ARMH3: variants seen among roughly 807,000 people sequenced by gnomAD.
ARMH3 encodes the protein armadillo-like helical domain-containing protein 3.
Under a neutral mutation model 99.1 loss-of-function variants are expected in ARMH3, and 60 were observed. That is an observed-to-expected ratio of 0.61 (90% CI 0.49 to 0.75). The LOEUF (loss-of-function observed/expected upper bound fraction) is 0.75. ARMH3 is among the 30% of genes least tolerant of loss of function. The probability of loss-of-function intolerance (pLI) is 0.00; values close to 1 mark genes in which losing one functional copy is unlikely to be tolerated. For synonymous variants in ARMH3, 285 were observed against 292.8 expected (o/e 0.97, Z 0.27); for missense variants, 679 against 843.1 (o/e 0.81, Z 2.41).
intron 24 of ARMH3, among the ~76,000 whole-genome samples, chr10:101,852,915 C>T (rs969178722): frequency 6.6e-6 from 1 of 151,174 alleles, no homozygotes; most frequent in Non-Finnish European, 1.5e-5. Context: ...GACAGTCTTG[C>T]TCTTGTCACC....
intron 23 of ARMH3, chr10:101,889,714 C>A: frequency 4.0e-6 from 2 of 501,762 alleles, no homozygotes; most frequent in Non-Finnish European, 7.2e-6. Context: ...AATCAAGCAT[C>A]TCTGCTCTGC....
intron 8 of ARMH3, among the ~76,000 whole-genome samples, chr10:102,016,921 A>G (rs1342562511): frequency 6.6e-6 from 1 of 152,236 alleles, no homozygotes; most frequent in Non-Finnish European, 1.5e-5. Flanking sequence ...AATGATTAAA[A>G]TGGAACACAT....
intron 16 of ARMH3, 73 bp downstream of exon 16, chr10:101,995,223 TG>T: frequency 7.9e-7 from 1 of 1,270,626 alleles, no homozygotes; most frequent in Non-Finnish European, 1.1e-6. Context: ...GAGACAGTAA[TG>T]GGGTGAGGGG....
intron 21 of ARMH3, among the ~76,000 whole-genome samples, chr10:101,957,129 T>C (rs1249252968): frequency 6.6e-6 from 1 of 152,238 alleles, no homozygotes; most frequent in African/African-American, 2.4e-5. Context: ...AGCTCTACAA[T>C]GAAAATCAGC....
intron 24 of ARMH3, among the ~76,000 whole-genome samples, chr10:101,874,478 C>T (rs562037795): frequency 6.6e-6 from 1 of 152,216 alleles, no homozygotes; most frequent in African/African-American, 2.4e-5. Context: ...TCCCCACCAC[C>T]CCTGAACAAC....
intron 2 of ARMH3, 119 bp downstream of exon 2, chr10:102,039,894 C>T (rs997215715): frequency 6.8e-6 from 6 of 884,316 alleles, no homozygotes; most frequent in Non-Finnish European, 9.0e-6. Context: ...CCCTCTTTCT[C>T]TCCCCTGTCC....
intron 2 of ARMH3, 106 bp downstream of exon 2, chr10:102,039,907 C>A: frequency 4.8e-6 from 5 of 1,047,366 alleles, no homozygotes; most frequent in Non-Finnish European, 7.3e-6. Flanking sequence ...CCCTGTCCCA[C>A]ATCCCCCAAG....
intron 19 of ARMH3, among the ~76,000 whole-genome samples, chr10:101,976,168 C>CAAAAAA (rs780547260): frequency 1.3e-4 from 3 of 23,190 alleles, no homozygotes; most frequent in Non-Finnish European, 2.3e-4. Flanking sequence ...GACTCTGTCT[C>CAAAAAA]AAAAAAAAAA....
At chr10:101,908,141 T>C (rs1842713044) in intron 23 of ARMH3, among the ~76,000 whole-genome samples, 1 of 152,240 alleles carries the variant, frequency 6.6e-6, no homozygotes, top group South Asian at 2.1e-4. Context: ...TAAATTTTGT[T>C]CCACTAAATA....
chr10:101,971,095 CA>C (rs71472590), intron 20 of ARMH3, among the ~76,000 whole-genome samples: 117 of 33,304 alleles, frequency 3.5e-3, no homozygotes, highest in East Asian at 0.023. Context: ...AGACCGTCTC[CA>C]AAAAAAAAAA....
At position 102,023,737 on chromosome 10, in the gene ARMH3, T is replaced by C. The variant is rs914495668; in HGVS notation, c.520A>G (p.Ile174Val). 1.2e-6 allele frequency: 2 copies of C among 1,614,162 alleles called. No individual in the cohort carries two copies. Among genetic ancestry groups the C allele is most frequent in the Non-Finnish European group, 1.7e-6 (2 of 1,179,978 alleles). ...TACTCGAGAATAGTGTTCTGGCTGATGTTATCTGTCACCTGAATGTAATAA... is the reference window on the plus strand; with the variant it reads ...TACTCGAGAATAGTGTTCTGGCTGACGTTATCTGTCACCTGAATGTAATAA... The part of the protein sequence containing the change: ...LLCLVTVTDN[I>V]SQNTILEYVM... Residue 174 changes from isoleucine (I) to valine (V), a missense_variant, in exon 7 of 26, where the codon ATC (isoleucine) becomes GTC (valine). Physicochemically the swap from Ile to Val is conservative, Grantham distance 29. Transcript: ENST00000370033.
At chr10:101,895,036 C>T (rs2067789640) in intron 23 of ARMH3, among the ~76,000 whole-genome samples, 1 of 152,100 alleles carries the variant, frequency 6.6e-6, no homozygotes. Flanking sequence ...TGAGAAAATA[C>T]AGGAAGGTTT....
chr10:102,001,477 C>T (rs2066359410), intron 15 of ARMH3, among the ~76,000 whole-genome samples: 1 of 152,194 alleles, frequency 6.6e-6, no homozygotes, highest in Non-Finnish European at 1.5e-5. Context: ...TCCTCTCCCA[C>T]TTCCACTCTT....
chr10:101,937,912 G>T (rs943214417), intron 23 of ARMH3, among the ~76,000 whole-genome samples: 3 of 152,192 alleles, frequency 2.0e-5, no homozygotes, highest in African/African-American at 4.8e-5. Context: ...AGGCTGGAGT[G>T]CAGTGGCATG....
At chr10:101,918,296 C>T (rs774133441) in intron 23 of ARMH3, among the ~76,000 whole-genome samples, 3 of 152,158 alleles carry the variant, frequency 2.0e-5, no homozygotes, top group South Asian at 2.1e-4. Context: ...TCAAGTGATC[C>T]GCTGCCCTCG....
chr10:101,952,238 T>A (rs550766761), intron 22 of ARMH3, among the ~76,000 whole-genome samples: 25 of 152,342 alleles, frequency 1.6e-4, no homozygotes, highest in Admixed American at 5.9e-4. Context: ...TCAAGGTTAG[T>A]ATCATCAGTG....
chr10:101,941,683 T>C (rs1246890941), intron 22 of ARMH3, among the ~76,000 whole-genome samples: 1 of 152,196 alleles, frequency 6.6e-6, no homozygotes, highest in African/African-American at 2.4e-5. Context: ...TTATAAGATT[T>C]AGTGCAAGGG....
Position 101,958,272 on chromosome 10 carries a change from G to T in ARMH3, c.1496-540C>A, listed in dbSNP as rs75812771. On this transcript the variant is annotated intron_variant, in intron 20 of 25. Coordinates refer to ENST00000370033, the MANE Select transcript of ARMH3 (RefSeq NM_024541.3). Reference sequence around the variant, plus strand: ...ATAAAGAGAAAAAAAGCCCTTAACTGCTCTAACTATTCAAACAAAGTGAAG... The same window carrying T: ...ATAAAGAGAAAAAAAGCCCTTAACTTCTCTAACTATTCAAACAAAGTGAAG... 9.3e-3 allele frequency among the ~76,000 whole-genome samples: 1,417 copies of T among 152,288 alleles called. 16 individuals carry two copies. The highest frequency in any genetic ancestry group is 0.03 in the African/African-American group (1,229 of 41,564).
chr10:101,872,078 A>G (rs1032892077), intron 24 of ARMH3, among the ~76,000 whole-genome samples: 3 of 152,152 alleles, frequency 2.0e-5, no homozygotes, highest in Non-Finnish European at 2.9e-5. Flanking sequence ...ACACAAAAGC[A>G]TGACTCCTTT....
Sources: gnomAD v4.1 joint callset for allele counts (sites outside exome capture counted in the v4.1 genomes callset) on GRCh38, gnomAD v4.1.1 for gene constraint, MANE v1.5 for transcripts, NCBI Gene and HGNC (gene_info 2026-07-23, HGNC 2026-07-21) for gene names.